The following DYNC1I1 variants were observed in gnomAD, a reference collection of about 807,000 sequenced individuals.
DYNC1I1 encodes dynein cytoplasmic 1 intermediate chain 1, also known as cytoplasmic dynein 1 intermediate chain 1.
Under a neutral mutation model 86.6 loss-of-function variants are expected in DYNC1I1, and 43 were observed. That is an observed-to-expected ratio of 0.50 (90% CI 0.39 to 0.64). The LOEUF (loss-of-function observed/expected upper bound fraction) is 0.64. DYNC1I1 is among the 30% of genes least tolerant of loss of function. The pLI, the probability that DYNC1I1 is intolerant of heterozygous loss-of-function variation, is 0.00. For synonymous variants in DYNC1I1, 262 were observed against 283.7 expected (o/e 0.92, Z 0.77); for missense variants, 604 against 788.8 (o/e 0.77, Z 2.81).
At chr7:95,969,619 A>C (rs1256614294) in intron 6 of DYNC1I1, among the ~76,000 whole-genome samples, 2 of 152,198 alleles carry the variant, frequency 1.3e-5, no homozygotes, top group Non-Finnish European at 2.9e-5. Flanking sequence ...CATATTTACT[A>C]TGCATATATT....
At chr7:95,814,200 G>C (rs569748823) in intron 4 of DYNC1I1, among the ~76,000 whole-genome samples, 1 of 152,076 alleles carries the variant, frequency 6.6e-6, no homozygotes, top group Non-Finnish European at 1.5e-5. Flanking sequence ...CAATTTTTCC[G>C]CATTTTCCAG....
chr7:95,902,959 T>A (rs897260606), intron 6 of DYNC1I1, among the ~76,000 whole-genome samples: 4 of 152,178 alleles, frequency 2.6e-5, no homozygotes, highest in Admixed American at 1.3e-4. Context: ...TGGTCCAGTG[T>A]TTTTGTTTTT....
At chr7:95,911,816 T>A (rs1166511302) in intron 6 of DYNC1I1, among the ~76,000 whole-genome samples, 1 of 152,114 alleles carries the variant, frequency 6.6e-6, no homozygotes, top group Non-Finnish European at 1.5e-5. Context: ...GAACCACTAC[T>A]TTAAAGGGGG....
chr7:95,781,634 A>C (rs1793996549), intron 1 of DYNC1I1, among the ~76,000 whole-genome samples: 1 of 152,164 alleles, frequency 6.6e-6, no homozygotes, highest in Non-Finnish European at 1.5e-5. Flanking sequence ...TAACACTGTC[A>C]ACACCACCGC....
At chr7:96,057,878 G>A (rs1177618823) in intron 14 of DYNC1I1, among the ~76,000 whole-genome samples, 1 of 152,090 alleles carries the variant, frequency 6.6e-6, no homozygotes, top group Admixed American at 6.5e-5. Flanking sequence ...AATCTCTGAG[G>A]TTTTATATGT....
chr7:95,975,753 C>T (rs1793288473), intron 6 of DYNC1I1, among the ~76,000 whole-genome samples: 1 of 152,134 alleles, frequency 6.6e-6, no homozygotes, highest in African/African-American at 2.4e-5. Context: ...GCTGCTGAAT[C>T]TGTTAAAGAA....
chr7:95,834,609 T>C (rs1331536203), intron 5 of DYNC1I1, among the ~76,000 whole-genome samples: 1 of 140,248 alleles, frequency 7.1e-6, no homozygotes, highest in African/African-American at 2.7e-5. Context: ...CCTGGACTCT[T>C]TTTGGTTGGT....
chr7:96,032,653 T>C lies in DYNC1I1; in HGVS notation c.1117-14T>C, dbSNP rs747374422. ...TGGATCTGTCTCTGATCCTCTTTGT[T>C]TATGTTTTTGCAGCATCCCGTGTAC... On this transcript the variant is annotated splice_polypyrimidine_tract_variant and intron_variant, in intron 11 of 16. Coordinates refer to ENST00000447467, the MANE Select transcript of DYNC1I1 (RefSeq NM_001135556.2). 6.3e-7 allele frequency: 1 copy of C among 1,597,806 alleles called. No individual in the cohort carries two copies. The highest frequency in any genetic ancestry group is 2.2e-5 in the East Asian group (1 of 44,710).
intron 1 of DYNC1I1, among the ~76,000 whole-genome samples, chr7:95,801,368 A>G (rs1794573853): frequency 6.6e-6 from 1 of 152,242 alleles, no homozygotes; most frequent in South Asian, 2.1e-4. Context: ...CACTTTGAAG[A>G]AATTTTCTGA....
chr7:95,857,394 T>A (rs1276217015), intron 5 of DYNC1I1, among the ~76,000 whole-genome samples: 1 of 152,228 alleles, frequency 6.6e-6, no homozygotes, highest in African/African-American at 2.4e-5. Context: ...ACATTATTAA[T>A]GATAAAATCT....
chr7:95,868,231 C>T (rs903842577), intron 5 of DYNC1I1, among the ~76,000 whole-genome samples: 1 of 152,168 alleles, frequency 6.6e-6, no homozygotes, highest in Non-Finnish European at 1.5e-5. Context: ...AGACAGCCAG[C>T]GAGGCTTGTC....
chr7:95,993,831 A>G (rs1173960596), intron 9 of DYNC1I1, among the ~76,000 whole-genome samples: 2 of 152,232 alleles, frequency 1.3e-5, no homozygotes, highest in Admixed American at 6.5e-5. Flanking sequence ...AAATATATGT[A>G]TAGAATAATG....
chr7:95,790,328 C>T (rs768431169), intron 1 of DYNC1I1, among the ~76,000 whole-genome samples: 1 of 152,156 alleles, frequency 6.6e-6, no homozygotes, highest in Non-Finnish European at 1.5e-5. Context: ...TCCTCCACCC[C>T]ATTTTGTACT....
chr7:96,032,608 C>G (rs913482170), intron 11 of DYNC1I1, 59 bp from the exon 12 acceptor site: 1 of 1,318,044 alleles, frequency 7.6e-7, no homozygotes, highest in Non-Finnish European at 1.1e-6. Context: ...GTTTGACACT[C>G]AAATGTAAGC....
intron 6 of DYNC1I1, among the ~76,000 whole-genome samples, chr7:95,927,291 A>C (rs74695594): frequency 0.18 from 27,684 of 152,120 alleles, 2,833 homozygotes; most frequent in Admixed American, 0.32. Context: ...CTGAACTTCA[A>C]AAAGTTGTCA....
At chr7:96,089,384 G>A (rs1427652804) in intron 16 of DYNC1I1, among the ~76,000 whole-genome samples, 1 of 152,080 alleles carries the variant, frequency 6.6e-6, no homozygotes, top group Non-Finnish European at 1.5e-5. Context: ...GTGAATGAAT[G>A]ATTCACATGT....
At position 95,987,070 on chromosome 7, in the gene DYNC1I1, G is replaced by C. The variant is rs758971443; in HGVS notation, c.758G>C (p.Gly253Ala). The C allele has an allele frequency of 2.5e-6, 4 of 1,613,794 alleles. No individual in the cohort carries two copies. The highest frequency in any genetic ancestry group is 3.4e-6 in the Non-Finnish European group (4 of 1,179,842). Residue 253 changes from glycine (G) to alanine (A), a missense_variant, in exon 9 of 17, where the codon GGA (glycine) becomes GCA (alanine). Physicochemically the swap from Gly to Ala is moderately conservative, Grantham distance 60. Transcript: ENST00000447467. ...AATCCTCCTAGGGATGTTCAGGCTG[G>C]AGCCAATCTTTCTTTCAATCGTCAG... ...LEEKDGDVQA[G>A]ANLSFNRQFY...
At chr7:95,832,303 A>C (rs1346056456) in intron 5 of DYNC1I1, among the ~76,000 whole-genome samples, 7 of 148,776 alleles carry the variant, frequency 4.7e-5, no homozygotes, top group Admixed American at 2.0e-4. Context: ...TGAACTCATC[A>C]TTTTTTATGG....
Position 96,097,690 on chromosome 7 carries a change from G to T in DYNC1I1, c.*97G>T. On this transcript the variant is annotated 3_prime_UTR_variant, in exon 17 of 17. Coordinates refer to ENST00000447467, the MANE Select transcript of DYNC1I1 (RefSeq NM_001135556.2). ...TGTATTCGGTGTCCATTCAGTATCA[G>T]TATTGCTGTGATATTTTGGGTGCCA... 6.6e-7 allele frequency: 1 copy of T among 1,523,196 alleles called. No individual in the cohort carries two copies. 94.4% of individuals were successfully genotyped at this position (1,523,196 alleles called of 1,614,324 possible).
Sources: gnomAD v4.1 joint callset for allele counts (sites outside exome capture counted in the v4.1 genomes callset) on GRCh38, gnomAD v4.1.1 for gene constraint, MANE v1.5 for transcripts, NCBI Gene and HGNC (gene_info 2026-07-23, HGNC 2026-07-21) for gene names.